The following AFDN variants were observed in gnomAD, a reference collection of about 807,000 sequenced individuals.
The protein encoded by AFDN is afadin, adherens junction formation factor.
In AFDN, 68 loss-of-function variants were observed where a neutral mutation model predicts 216.6. That is an observed-to-expected ratio of 0.31 (90% CI 0.26 to 0.38). The LOEUF is 0.38. Among genes scored for constraint, AFDN ranks in the 10% least tolerant of loss-of-function variants. AFDN has a pLI of 1.00. For missense variants in AFDN, 2,136 were observed against 2,342.0 expected, an observed-to-expected ratio of 0.91 and a Z score of 1.82; for synonymous variants, 868 against 853.7, an observed-to-expected ratio of 1.02 and a Z score of -0.29.
At chr6:167,966,487 A>G in intron 32 of AFDN, among the ~76,000 whole-genome samples, 1 of 152,038 alleles carries the variant, frequency 6.6e-6, no homozygotes, top group East Asian at 1.9e-4. Context: ...TAGTACTCCG[A>G]TTTCTTTTAC....
chr6:167,836,909 C>G (rs569904865), intron 1 of AFDN, among the ~76,000 whole-genome samples: 1 of 152,248 alleles, frequency 6.6e-6, no homozygotes, highest in East Asian at 1.9e-4. Context: ...AGAACTCTGC[C>G]AGGAGTACCA....
intron 5 of AFDN, among the ~76,000 whole-genome samples, chr6:167,876,900 G>A (rs776603999): frequency 5.3e-5 from 8 of 152,096 alleles, no homozygotes; most frequent in Non-Finnish European, 1.0e-4. Context: ...TTGTTAATAA[G>A]CTGTTGAAGA....
At chr6:167,854,339 T>C (rs150772761) in intron 1 of AFDN, among the ~76,000 whole-genome samples, 2 of 152,216 alleles carry the variant, frequency 1.3e-5, no homozygotes, top group East Asian at 3.9e-4. Flanking sequence ...AAAGAAATTA[T>C]ATTTCTTTCT....
chr6:167,902,152 C>G (rs1309975941), intron 11 of AFDN, among the ~76,000 whole-genome samples, 165 bp from the exon 12 acceptor site: 1 of 149,588 alleles, frequency 6.7e-6, no homozygotes, highest in Non-Finnish European at 1.5e-5. Flanking sequence ...AAAGAAAGTT[C>G]ATAAGGTGGT....
intron 1 of AFDN, among the ~76,000 whole-genome samples, chr6:167,832,782 T>C (rs1211175773): frequency 6.6e-6 from 1 of 152,216 alleles, no homozygotes; most frequent in Non-Finnish European, 1.5e-5. Flanking sequence ...TCACAAGAAA[T>C]TTAATGTTAA....
intron 23 of AFDN, among the ~76,000 whole-genome samples, chr6:167,928,962 G>A (rs961010221): frequency 1.3e-5 from 2 of 152,126 alleles, no homozygotes; most frequent in Non-Finnish European, 2.9e-5. Context: ...TTGCTATTAC[G>A]AAAATATTTG....
Position 167,914,675 on chromosome 6 carries a change from A to C in AFDN, c.2236A>C (p.Asn746His). ...YLVHCLQSELNNYMPAFLDDP... is the reference protein window; with the variant it reads ...YLVHCLQSELHNYMPAFLDDP... ...GGTTCACTGTCTTCAATCAGAACTT[A>C]ATAATTACATGCCAGCCTTTCTAGA... Residue 746 changes from asparagine to histidine, a missense_variant, in exon 18 of 34, where the codon AAT becomes CAT. Physicochemically the swap from Asn to His is moderately conservative, Grantham distance 68 (BLOSUM62 1). Transcript: ENST00000683244. 1 of 1,613,324 alleles carries C rather than the reference A, an allele frequency of 6.2e-7. No individual in the cohort carries two copies. The highest frequency in any genetic ancestry group is 8.5e-7 in the Non-Finnish European group (1 of 1,179,368).
Position 167,952,141 on chromosome 6 carries a change from A to G in AFDN, c.4787A>G (p.Asp1596Gly). The change falls in exon 30 of 34, where the codon GAC becomes GGC. Residue 1596 changes from aspartate to glycine, a missense_variant. Asp to Gly is a moderately conservative substitution (Grantham distance 94). Transcript: ENST00000683244. ...DDEEEEDDDVDTMLIMQRLEA... is the reference protein window; with the variant it reads ...DDEEEEDDDVGTMLIMQRLEA... ...GAGGAGGAGGAGGACGATGATGTGGACACCATGCTGATCATGCAGCGCCTG... is the reference window on the plus strand; with the variant it reads ...GAGGAGGAGGAGGACGATGATGTGGGCACCATGCTGATCATGCAGCGCCTG... The G allele has an allele frequency of 7.4e-6, 12 of 1,614,158 alleles. No individual in the cohort carries two copies. Among genetic ancestry groups the G allele is most frequent in the South Asian group, 1.1e-5 (1 of 91,076 alleles).
chr6:167,879,408 A>C (rs1313228578), intron 5 of AFDN, among the ~76,000 whole-genome samples: 1 of 152,246 alleles, frequency 6.6e-6, no homozygotes, highest in Non-Finnish European at 1.5e-5. Flanking sequence ...AATTTGCTTC[A>C]AGAAACCCAC....
At chr6:167,894,048 T>A in intron 9 of AFDN, 142 bp downstream of exon 9, 1 of 651,486 alleles carries the variant, frequency 1.5e-6, no homozygotes, top group Non-Finnish European at 2.7e-6. Context: ...TAATGTACTG[T>A]CATTTTATTT....
chr6:167,903,928 T>C (rs1307617230), intron 12 of AFDN, among the ~76,000 whole-genome samples: 3 of 152,226 alleles, frequency 2.0e-5, no homozygotes, highest in Non-Finnish European at 4.4e-5. Context: ...AACCACGTAC[T>C]TGATGCACTT....
intron 1 of AFDN, among the ~76,000 whole-genome samples, chr6:167,831,904 A>C (rs1779870545): frequency 6.6e-6 from 1 of 152,240 alleles, no homozygotes; most frequent in African/African-American, 2.4e-5. Context: ...GACAGTGTGT[A>C]CTAATAAGTA....
chr6:167,966,198 ACTG>A, intron 32 of AFDN, 153 bp downstream of exon 32: 1 of 1,534,058 alleles, frequency 6.5e-7, no homozygotes, highest in East Asian at 2.4e-5. Context: ...AGCCAACAGT[ACTG>A]CTCACAAAAA....
At chr6:167,883,165 C>T (rs1583272421) in intron 6 of AFDN, among the ~76,000 whole-genome samples, 1 of 151,896 alleles carries the variant, frequency 6.6e-6, no homozygotes, top group South Asian at 2.1e-4. Flanking sequence ...GAAGGGAATT[C>T]CAAGGATGAT....
intron 26 of AFDN, among the ~76,000 whole-genome samples, chr6:167,945,204 C>G (rs748135856): frequency 6.6e-6 from 1 of 151,124 alleles, no homozygotes; most frequent in Non-Finnish European, 1.5e-5. Context: ...TGGTTAAAAT[C>G]TCGTACATAA....
intron 30 of AFDN, among the ~76,000 whole-genome samples, chr6:167,957,275 A>G (rs1796616018): frequency 6.6e-6 from 1 of 152,222 alleles, no homozygotes; most frequent in African/African-American, 2.4e-5. Context: ...TTCTGTGGAC[A>G]TGCTATACAC....
chr6:167,892,250 C>G (rs1212451288), intron 8 of AFDN, among the ~76,000 whole-genome samples: 1 of 152,102 alleles, frequency 6.6e-6, no homozygotes, highest in Non-Finnish European at 1.5e-5. Context: ...AACCTCAGTT[C>G]TCTGGGTGGA....
At chr6:167,863,593 G>A (rs1322306757) in intron 1 of AFDN, among the ~76,000 whole-genome samples, 2 of 152,246 alleles carry the variant, frequency 1.3e-5, no homozygotes, top group African/African-American at 4.8e-5. Context: ...TTGAACAACT[G>A]AATCTTTAAT....
chr6:167,893,638 T>A (rs1473858319), intron 8 of AFDN: 2 of 513,340 alleles, frequency 3.9e-6, no homozygotes. Context: ...GTGGTTTCCC[T>A]TAACAGTCTG....
Sources: gnomAD v4.1 joint callset for allele counts (sites outside exome capture counted in the v4.1 genomes callset) on GRCh38, gnomAD v4.1.1 for gene constraint, MANE v1.5 for transcripts, NCBI Gene and HGNC (gene_info 2026-07-23, HGNC 2026-07-21) for gene names.